The following GCAT variants were observed in gnomAD, a reference collection of about 807,000 sequenced individuals.
GCAT encodes the protein glycine C-acetyltransferase.
GCAT carries 26 observed loss-of-function variants against 39.7 expected under a neutral mutation model. The ratio of observed to expected loss-of-function variants is 0.65; its 90% CI spans 0.48 to 0.91. The LOEUF is 0.91. Among genes scored for constraint, GCAT ranks in the 40% least tolerant of loss-of-function variants. GCAT has a pLI of 0.00. For synonymous variants in GCAT, 218 were observed against 237.2 expected (o/e 0.92, Z 0.74); for missense variants, 550 against 576.2 (o/e 0.95, Z 0.47).
chr22:37,807,951 C>CGGGCGAGGTAG lies in GCAT; in HGVS notation c.-15_-5dup, dbSNP rs1300878007. On this transcript the variant is annotated 5_prime_UTR_variant, in exon 1 of 9. Transcript: ENST00000248924. ...CGGCTCCCAGGCAGGCAGGCGCGCT[C>CGGGCGAGGTAG]GGGCGAGGTAGGAGCGATGTGGCCT... The CGGGCGAGGTAG allele has an allele frequency of 6.8e-7, 1 of 1,476,214 alleles. No individual in the cohort carries two copies. Among genetic ancestry groups the CGGGCGAGGTAG allele is most frequent in the African/African-American group, 1.5e-5 (1 of 67,854 alleles). 91.4% of individuals were successfully genotyped at this position (1,476,214 alleles called of 1,614,324 possible). A position where few individuals can be genotyped will look rare whatever the true frequency, so the allele number is the denominator to read the frequency against.
chr22:37,816,226 G>A lies in GCAT; in HGVS notation c.1013G>A (p.Gly338Asp). The A allele has an allele frequency of 1.2e-6, 2 of 1,613,552 alleles. No individual in the cohort carries two copies. Among genetic ancestry groups the A allele is most frequent in the Non-Finnish European group, 1.7e-6 (2 of 1,179,992 alleles). ...QRFRSKMEAAGFTISGASHPI... is the reference protein window; with the variant it reads ...QRFRSKMEAADFTISGASHPI... The stretch of plus-strand genomic sequence containing the variant: ...TTCCGTAGTAAGATGGAAGCTGCTG[G>A]CTTCACTATCTCGGGAGCCAGTCAC... The change falls in exon 8 of 9, where the codon GGC becomes GAC. Residue 338 changes from glycine to aspartate, a missense_variant. Transcript: ENST00000248924.
At chr22:37,813,062 C>A in intron 3 of GCAT, 74 bp downstream of exon 3, 2 of 1,039,632 alleles carry the variant, frequency 1.9e-6, no homozygotes, top group South Asian at 2.5e-5. Context: ...TGTGGGCAGT[C>A]GGGAGAACCT....
Position 37,813,498 on chromosome 22 carries a change from C to A in GCAT, c.465C>A (p.Asp155Glu), listed in dbSNP as rs758410854. The A allele has an allele frequency of 6.2e-7, 1 of 1,609,938 alleles. No individual in the cohort carries two copies. Among genetic ancestry groups the A allele is most frequent in the Non-Finnish European group, 8.5e-7 (1 of 1,178,396 alleles). Residue 155 changes from aspartate (D) to glutamate (E), a missense_variant, in exon 4 of 9, where the codon GAC becomes GAA. Physicochemically the swap from Asp to Glu is conservative, Grantham distance 45. Transcript: ENST00000248924. ...CCCCAGAGGACGCAGTCCTGTCGGACGAGCTGAACCATGCCTCCATCATCG... is the reference window on the plus strand; with the variant it reads ...CCCCAGAGGACGCAGTCCTGTCGGAAGAGCTGAACCATGCCTCCATCATCG... ...LLTPEDAVLS[D>E]ELNHASIIDG...
chr22:37,813,273 C>G, intron 3 of GCAT, 190 bp from the exon 4 acceptor site: 1 of 725,348 alleles, frequency 1.4e-6, no homozygotes, highest in East Asian at 2.7e-5. Flanking sequence ...CCTCCTCTTA[C>G]TAGAGCAGGG....
In GCAT at chr22:37,810,001, T is replaced by G. The variant is rs368713181; in HGVS notation, c.197-26T>G. 5 of 1,613,400 alleles carry G rather than the reference T, an allele frequency of 3.1e-6. No individual in the cohort carries two copies. The highest frequency in any genetic ancestry group is 4.2e-6 in the Non-Finnish European group (5 of 1,179,600). On this transcript the variant is annotated intron_variant, in intron 1 of 8. Transcript: ENST00000248924. ...TGCCCTTGCCCCACCTGAGCTGCTGTATCCATCTCCTCTCCTTCACCTCAG... is the reference window on the plus strand; with the variant it reads ...TGCCCTTGCCCCACCTGAGCTGCTGGATCCATCTCCTCTCCTTCACCTCAG...
At position 37,815,442 on chromosome 22, in the gene GCAT, G is replaced by T. The variant is rs570407872; in HGVS notation, c.756G>T (p.Val252=). The change falls in exon 6 of 9, where the codon GTG becomes GTT. Residue 252 remains valine, a synonymous_variant. Transcript: ENST00000248924. Reference sequence around the variant, plus strand: ...GGGGCACAGATGAGCTGCTGGGTGTGATGGACCAGGTCACCATCATCAACT... The same window carrying T: ...GGGGCACAGATGAGCTGCTGGGTGTTATGGACCAGGTCACCATCATCAACT... ...TGRGTDELLG[V]MDQVTIINST... The T allele has an allele frequency of 2.5e-4, 396 of 1,610,674 alleles. 11 individuals carry two copies. The South Asian group carries it at 4.3e-3, about 17-fold the overall frequency.
chr22:37,812,794 T>C lies in GCAT; in HGVS notation c.328-93T>C, dbSNP rs1334981385. ...AGACTGAGGCTGCAGGCTTTCTGGG[T>C]TGGGTCTCTGTGGTCCTCCAAGCCT... On this transcript the variant is annotated intron_variant, in intron 2 of 8. Transcript: ENST00000248924. 4.9e-6 allele frequency: 4 copies of C among 821,066 alleles called. No homozygotes were observed. In the African/African-American group the frequency reaches 5.0e-5, roughly 10 times the overall value. 50.9% of individuals were successfully genotyped at this position (821,066 alleles called of 1,614,324 possible). A position where few individuals can be genotyped will look rare whatever the true frequency, so the allele number is the denominator to read the frequency against.
intron 7 of GCAT, 34 bp from the exon 8 acceptor site, chr22:37,816,166 C>T: frequency 6.2e-7 from 1 of 1,607,330 alleles, no homozygotes. Flanking sequence ...TGCTCCACGG[C>T]CCCTTAGCTA....
intron 5 of GCAT, 32 bp downstream of exon 5, chr22:37,815,312 G>A (rs1363366663): frequency 1.9e-6 from 3 of 1,607,984 alleles, no homozygotes; most frequent in African/African-American, 1.3e-5. Context: ...GGCCTGGGGT[G>A]GGGCTTCTGA....
chr22:37,813,133 C>A, intron 3 of GCAT, 145 bp downstream of exon 3: 2 of 669,040 alleles, frequency 3.0e-6, no homozygotes. Flanking sequence ...CAAGGTTGGG[C>A]CAGGTAGGTG....
intron 1 of GCAT, 143 bp from the exon 2 acceptor site, chr22:37,809,884 T>C (rs962278397): frequency 3.0e-5 from 30 of 1,004,022 alleles, no homozygotes; most frequent in Non-Finnish European, 4.2e-5. Context: ...CTTCTGTAGC[T>C]GTTGAATTTG....
chr22:37,812,760 A>C (rs1002437910), intron 2 of GCAT, 127 bp from the exon 3 acceptor site: 1 of 685,424 alleles, frequency 1.5e-6, no homozygotes, highest in African/African-American at 1.8e-5. Flanking sequence ...TGTGTGGCAG[A>C]AAGTAAGGAG....
chr22:37,811,117 A>G (rs200596847), intron 2 of GCAT, among the ~76,000 whole-genome samples: 25 of 152,036 alleles, frequency 1.6e-4, no homozygotes, highest in Admixed American at 1.3e-3. Context: ...CTCTGTCTCA[A>G]TTACTTCATA....
intron 1 of GCAT, among the ~76,000 whole-genome samples, chr22:37,809,491 G>A (rs536687095): frequency 2.0e-5 from 3 of 152,286 alleles, no homozygotes; most frequent in East Asian, 3.9e-4. Context: ...CTGTGAGGAA[G>A]GGCTGAGTTC....
At position 37,816,239 on chromosome 22, in the gene GCAT, G is replaced by T; in HGVS notation, c.1026G>T (p.Ser342=). ...SKMEAAGFTI[S]GASHPICPVM... ...TGGAAGCTGCTGGCTTCACTATCTC[G>T]GGAGCCAGTCACCCCATCTGCCCTG... is the stretch of plus-strand genomic sequence containing the variant. The change falls in exon 8 of 9, where the codon TCG becomes TCT. Residue 342 remains serine (S), a synonymous_variant. Transcript: ENST00000248924. 6.2e-7 allele frequency: 1 copy of T among 1,613,422 alleles called. No individual in the cohort carries two copies. The highest frequency in any genetic ancestry group is 2.2e-5 in the East Asian group (1 of 44,878).
Position 37,815,465 on chromosome 22 carries a change from A to G in GCAT, c.779A>G (p.Asn260Ser), listed in dbSNP as rs373717609. 6.2e-6 allele frequency: 10 copies of G among 1,609,814 alleles called. No individual in the cohort carries two copies. In the African/African-American group the frequency reaches 9.4e-5, roughly 15 times the overall value. Reference sequence around the variant, plus strand: ...GTGATGGACCAGGTCACCATCATCAACTCCACCCTGGGGAAGGCCCTGGGT... The same window carrying G: ...GTGATGGACCAGGTCACCATCATCAGCTCCACCCTGGGGAAGGCCCTGGGT... ...LGVMDQVTII[N>S]STLGKALGGA... The change falls in exon 6 of 9, where the codon AAC becomes AGC. Residue 260 changes from asparagine (N) to serine (S), a missense_variant. Physicochemically the swap from Asn to Ser is conservative, Grantham distance 46. Transcript: ENST00000248924.
chr22:37,811,784 C>T (rs1045033060), intron 2 of GCAT, among the ~76,000 whole-genome samples: 2 of 148,714 alleles, frequency 1.3e-5, no homozygotes, highest in Non-Finnish European at 3.0e-5. Flanking sequence ...ATTAGCTGGC[C>T]GGGCTCGCTT....
At chr22:37,813,722 T>C in intron 4 of GCAT, 113 bp downstream of exon 4, 1 of 993,702 alleles carries the variant, frequency 1.0e-6, no homozygotes, top group Non-Finnish European at 1.4e-6. Context: ...CAGCAGAGAT[T>C]TGTCCAAGAT....
At chr22:37,809,547 C>T (rs763411092) in intron 1 of GCAT, among the ~76,000 whole-genome samples, 5 of 152,132 alleles carry the variant, frequency 3.3e-5, no homozygotes, top group Non-Finnish European at 7.4e-5. Flanking sequence ...AGGCTGGGCA[C>T]AGTGGCTTGT....
Sources: allele counts gnomAD v4.1 joint callset (sites outside exome capture counted in the v4.1 genomes callset), GRCh38; gene constraint gnomAD v4.1.1; transcripts MANE v1.5; gene names NCBI Gene and HGNC (gene_info 2026-07-23, HGNC 2026-07-21).